OPCML: variants seen among roughly 807,000 people sequenced by gnomAD.
OPCML encodes the protein opioid binding protein/cell adhesion molecule like.
In OPCML, 13 loss-of-function variants were observed where a neutral mutation model predicts 37.8. The observed-to-expected ratio is 0.34, with a 90% CI of 0.22 to 0.55. The LOEUF (loss-of-function observed/expected upper bound fraction) is 0.55. Ranked by LOEUF, OPCML falls within the 20% of genes least tolerant of loss-of-function variation. The pLI, the probability that OPCML is intolerant of heterozygous loss-of-function variation, is 0.91. For synonymous variants in OPCML, 176 were observed against 168.8 expected, an observed-to-expected ratio of 1.04 and a Z score of -0.33; for missense variants, 341 against 435.6, an observed-to-expected ratio of 0.78 and a Z score of 1.93.
intron 3 of OPCML, among the ~76,000 whole-genome samples, chr11:132,588,631 A>C (rs1388786007): frequency 6.6e-6 from 1 of 152,180 alleles, no homozygotes; most frequent in Non-Finnish European, 1.5e-5. Context: ...ACCCACTGAC[A>C]GTAGCTCAGA....
intron 1 of OPCML, among the ~76,000 whole-genome samples, chr11:133,262,601 G>A (rs759662452): frequency 6.6e-6 from 1 of 152,120 alleles, no homozygotes; most frequent in Non-Finnish European, 1.5e-5. Context: ...CTGCATCAAT[G>A]GCCAGACACC....
intron 1 of OPCML, among the ~76,000 whole-genome samples, chr11:133,362,520 T>C (rs937679401): frequency 6.6e-6 from 1 of 152,178 alleles, no homozygotes; most frequent in Non-Finnish European, 1.5e-5. Context: ...AAGAGGATTA[T>C]TCACTTGGAA....
At chr11:133,374,780 T>C (rs964420886) in intron 1 of OPCML, among the ~76,000 whole-genome samples, 2 of 152,200 alleles carry the variant, frequency 1.3e-5, no homozygotes, top group Admixed American at 6.5e-5. Context: ...GAACTCCTTA[T>C]CTTGGCCTCC....
At chr11:132,449,437 C>G in intron 4 of OPCML, among the ~76,000 whole-genome samples, 1 of 152,106 alleles carries the variant, frequency 6.6e-6, no homozygotes, top group East Asian at 1.9e-4. Flanking sequence ...TTTCATGCGT[C>G]TGAGGGTACA....
At chr11:132,728,163 C>T (rs1944952341) in intron 2 of OPCML, among the ~76,000 whole-genome samples, 1 of 152,230 alleles carries the variant, frequency 6.6e-6, no homozygotes, top group South Asian at 2.1e-4. Flanking sequence ...CCGGCGCAGC[C>T]CGCCCACCCC....
Position 132,823,147 on chromosome 11 carries a change from T to C in OPCML, c.146+119779A>G, listed in dbSNP as rs571009746. Among the ~76,000 whole-genome samples, 4 of 152,312 alleles carry C rather than the reference T, an allele frequency of 2.6e-5. No homozygotes were observed. In the South Asian group the frequency reaches 8.3e-4, roughly 32 times the overall value. ...GAGGGCACCTGAGTCTACCTGGCCATCCTGCTATAATTTCCTAGTATGTTT... is the reference window on the plus strand; with the variant it reads ...GAGGGCACCTGAGTCTACCTGGCCACCCTGCTATAATTTCCTAGTATGTTT... On this transcript the variant is annotated intron_variant, in intron 2 of 7. Coordinates refer to ENST00000524381, the MANE Select transcript of OPCML (RefSeq NM_001012393.5).
intron 1 of OPCML, among the ~76,000 whole-genome samples, chr11:133,401,167 T>C (rs1246413689): frequency 6.6e-6 from 1 of 152,164 alleles, no homozygotes. Flanking sequence ...CACACTCTGC[T>C]CTTTGTAGGT....
chr11:133,154,685 A>G (rs1950032512), intron 1 of OPCML, among the ~76,000 whole-genome samples: 1 of 152,180 alleles, frequency 6.6e-6, no homozygotes, highest in Non-Finnish European at 1.5e-5. Flanking sequence ...CTATCAAAAT[A>G]TGTCATGAGC....
In OPCML at chr11:133,177,297, T is replaced by C. The variant is rs904627774; in HGVS notation, c.62-234287A>G. Among the ~76,000 whole-genome samples the C allele has an allele frequency of 6.6e-6, 1 of 152,190 alleles. No individual in the cohort carries two copies. Among genetic ancestry groups the C allele is most frequent in the Non-Finnish European group, 1.5e-5 (1 of 68,038 alleles). On this transcript the variant is annotated intron_variant, in intron 1 of 7. Transcript: ENST00000524381. The surrounding 1 kb of genome is among the most constrained non-coding windows in gnomAD (Gnocchi z 5.0). ...GAAAGAAGTGGGAAATAAAGCTGGATGACTTTGAAGGACTTTTTAAGATTC... is the reference window on the plus strand; with the variant it reads ...GAAAGAAGTGGGAAATAAAGCTGGACGACTTTGAAGGACTTTTTAAGATTC...
At position 132,419,943 on chromosome 11, in the gene OPCML, A is replaced by T. The variant is rs2095951634; in HGVS notation, c.*250T>A. 4 of 478,762 alleles carry T rather than the reference A, an allele frequency of 8.4e-6. No homozygotes were observed. The highest frequency in any genetic ancestry group is 1.5e-5 in the Non-Finnish European group (4 of 269,068). The allele number at this position is 478,762 out of a possible 1,614,324, so 29.7% of individuals were successfully genotyped here. On this transcript the variant is annotated 3_prime_UTR_variant, in exon 8 of 8. Transcript: ENST00000524381. ...GGAAGGGTCAAGGTAGCAGGAGCAG[A>T]CCCCATTTTTGGACACACCAATGAA...
At chr11:133,446,519 G>A (rs1361808467) in intron 1 of OPCML, among the ~76,000 whole-genome samples, 2 of 151,996 alleles carry the variant, frequency 1.3e-5, no homozygotes, top group African/African-American at 4.8e-5. Flanking sequence ...CCAACTCCTG[G>A]GCTCAAGGGA....
intron 1 of OPCML, among the ~76,000 whole-genome samples, chr11:132,958,180 T>C (rs2136712897): frequency 6.6e-6 from 1 of 152,332 alleles, no homozygotes; most frequent in East Asian, 1.9e-4. Context: ...CAAAACAGTC[T>C]TGTTGCTGAC....
chr11:132,947,594 A>G (rs1336627556), intron 1 of OPCML, among the ~76,000 whole-genome samples: 3 of 152,236 alleles, frequency 2.0e-5, no homozygotes, highest in Admixed American at 2.0e-4. Context: ...ACTGCTGTGG[A>G]CTAGTCTGTG....
At position 133,260,105 on chromosome 11, in the gene OPCML, T is replaced by A. The variant is rs78386656; in HGVS notation, c.61+272159A>T. ...AGCAATGACCCCCAAAATATAGTAG[T>A]GAGTCCTGTGGCTCTCGGGGGACAG... On this transcript the variant is annotated intron_variant, in intron 1 of 7. Transcript: ENST00000524381. 6.3e-3 allele frequency among the ~76,000 whole-genome samples: 949 copies of A among 151,816 alleles called. 9 individuals carry two copies. Among genetic ancestry groups the A allele is most frequent in the African/African-American group, 0.022 (890 of 41,380 alleles).
chr11:133,230,211 A>C (rs572544048), intron 1 of OPCML, among the ~76,000 whole-genome samples: 1 of 152,298 alleles, frequency 6.6e-6, no homozygotes, highest in South Asian at 2.1e-4. Flanking sequence ...ATTTGTGTGG[A>C]AACACCACTC....
intron 2 of OPCML, among the ~76,000 whole-genome samples, chr11:132,850,516 G>GGAGTGTGT (rs796790289): frequency 9.6e-4 from 142 of 148,120 alleles, no homozygotes; most frequent in African/African-American, 3.4e-3. Context: ...CTGTGGAAAG[G>GGAGTGTGT]GTGTGTGTGT....
chr11:133,407,218 G>A (rs1209288220), intron 1 of OPCML, among the ~76,000 whole-genome samples: 1 of 152,102 alleles, frequency 6.6e-6, no homozygotes, highest in African/African-American at 2.4e-5. Context: ...TAGCACTCAA[G>A]GAATCAACAG....
At chr11:132,762,091 T>C in intron 2 of OPCML, among the ~76,000 whole-genome samples, 1 of 152,196 alleles carries the variant, frequency 6.6e-6, no homozygotes, top group Non-Finnish European at 1.5e-5. Flanking sequence ...TGCTGGAGTT[T>C]GCTGGAGGTC....
At chr11:133,306,408 T>C (rs544988185) in intron 1 of OPCML, among the ~76,000 whole-genome samples, 15 of 152,318 alleles carry the variant, frequency 9.8e-5, no homozygotes, top group Admixed American at 6.5e-4. Context: ...ACTATGGTGC[T>C]TAATTTTGAA....
Sources: gnomAD v4.1 joint callset for allele counts (sites outside exome capture counted in the v4.1 genomes callset) on GRCh38, gnomAD v4.1.1 for gene constraint, Gnocchi (gnomAD v3.1) non-coding constraint, MANE v1.5 for transcripts, NCBI Gene and HGNC (gene_info 2026-07-23, HGNC 2026-07-21) for gene names.